Variants in KSR2 observed in about 807,000 individuals in gnomAD.
KSR2 encodes the protein kinase suppressor of ras 2.
KSR2 carries 25 observed loss-of-function variants against 107.8 expected under a neutral mutation model. The ratio of observed to expected loss-of-function variants is 0.23; its 90% CI spans 0.17 to 0.32. The LOEUF (loss-of-function observed/expected upper bound fraction) is 0.32, where lower values mean the gene tolerates loss of function less well. Ranked by LOEUF, KSR2 falls within the 10% of genes least tolerant of loss-of-function variation. The pLI is 1.00. For synonymous variants in KSR2, 480 were observed against 507.0 expected, an observed-to-expected ratio of 0.95 and a Z score of 0.71; for missense variants, 887 against 1,268.9, an observed-to-expected ratio of 0.70 and a Z score of 4.57.
chr12:117,852,319 T>A (rs988025043), intron 3 of KSR2, among the ~76,000 whole-genome samples: 3 of 151,172 alleles, frequency 2.0e-5, no homozygotes, highest in Non-Finnish European at 4.4e-5. Flanking sequence ...TCCCAGTTAC[T>A]CGGGAGGCTA....
chr12:117,965,880 G>C (rs1380717864), intron 1 of KSR2, among the ~76,000 whole-genome samples: 1 of 152,174 alleles, frequency 6.6e-6, no homozygotes, highest in Non-Finnish European at 1.5e-5. Flanking sequence ...CCAAATGTTA[G>C]CGTTGGCTGG....
intron 4 of KSR2, among the ~76,000 whole-genome samples, chr12:117,755,429 A>G (rs1281300022): frequency 3.3e-5 from 5 of 152,120 alleles, no homozygotes; most frequent in Admixed American, 6.6e-5. Context: ...CATTATTATT[A>G]TATCTGTTAT....
rs746964270 is a variant in KSR2 at position 117,484,529 on chromosome 12, G to C, written c.2337C>G (p.Ala779=). 1.6e-4 allele frequency: 256 copies of C among 1,613,800 alleles called. No homozygotes were observed. Among genetic ancestry groups the C allele is most frequent in the Non-Finnish European group, 2.1e-4 (246 of 1,179,842 alleles). ...TGAGGTCCTTGTGTAGGATTCCCTT[G>C]GCGTGGAGGTAGCCCATGCCCTGCA... The part of the protein sequence containing the change: ...EIVKGMGYLH[A]KGILHKDLKS... Residue 779 remains alanine (A), a synonymous_variant, in exon 16 of 20, where the codon GCC becomes GCG. Coordinates refer to ENST00000339824, the MANE Select transcript of KSR2 (RefSeq NM_173598.6).
chr12:117,794,239 T>TGCACA (rs1593244689), intron 3 of KSR2, among the ~76,000 whole-genome samples: 3 of 30,572 alleles, frequency 9.8e-5, no homozygotes, highest in Admixed American at 4.5e-4. Context: ...ACATGCACAC[T>TGCACA]CACACCAACA....
chr12:117,833,712 A>T (rs1892074014), intron 3 of KSR2, among the ~76,000 whole-genome samples: 2 of 151,970 alleles, frequency 1.3e-5, no homozygotes, highest in Admixed American at 1.3e-4. Context: ...CAGTGGCATC[A>T]TGAATATTCA....
intron 5 of KSR2, among the ~76,000 whole-genome samples, chr12:117,599,716 C>T (rs983943141): frequency 6.6e-6 from 1 of 151,770 alleles, no homozygotes; most frequent in Non-Finnish European, 1.5e-5. Context: ...GCAACATTTC[C>T]CCAGACTGAA....
intron 4 of KSR2, among the ~76,000 whole-genome samples, chr12:117,756,464 C>G (rs908843460): frequency 6.6e-6 from 1 of 152,190 alleles, no homozygotes; most frequent in Non-Finnish European, 1.5e-5. Flanking sequence ...CACTTTTGTT[C>G]ACAGCATGGT....
intron 3 of KSR2, among the ~76,000 whole-genome samples, chr12:117,806,997 G>T (rs1252440380): frequency 6.6e-6 from 1 of 152,180 alleles, no homozygotes; most frequent in Non-Finnish European, 1.5e-5. Flanking sequence ...ATTACGGAGG[G>T]ACAAGGATGG....
At chr12:117,523,337 G>A (rs945207936) in intron 14 of KSR2, among the ~76,000 whole-genome samples, 1 of 152,164 alleles carries the variant, frequency 6.6e-6, no homozygotes, top group Non-Finnish European at 1.5e-5. Context: ...GAGCTGAGTA[G>A]AGCAAGGAGA....
intron 14 of KSR2, among the ~76,000 whole-genome samples, chr12:117,497,783 C>G (rs1873128847): frequency 6.6e-6 from 1 of 152,218 alleles, no homozygotes; most frequent in South Asian, 2.1e-4. Context: ...GGTGTACAGT[C>G]TGAATCGAAT....
chr12:117,916,461 GTAA>G (rs1392849136), intron 1 of KSR2, among the ~76,000 whole-genome samples: 1 of 152,090 alleles, frequency 6.6e-6, no homozygotes, highest in African/African-American at 2.4e-5. Context: ...TATTTCAAAG[GTAA>G]TTTTTTAAAT....
chr12:117,840,619 A>T (rs1892429160), intron 3 of KSR2, among the ~76,000 whole-genome samples: 1 of 149,902 alleles, frequency 6.7e-6, no homozygotes, highest in Non-Finnish European at 1.5e-5. Context: ...TGGACTCAAA[A>T]TCCTGACCTC....
intron 5 of KSR2, among the ~76,000 whole-genome samples, chr12:117,594,446 G>A (rs576760762): frequency 2.6e-5 from 4 of 152,260 alleles, no homozygotes; most frequent in South Asian, 2.1e-4. Context: ...GGACAGCCTC[G>A]TGATAAATAA....
chr12:117,568,331 G>C (rs1318180257), intron 7 of KSR2, among the ~76,000 whole-genome samples: 2 of 152,182 alleles, frequency 1.3e-5, no homozygotes, highest in African/African-American at 2.4e-5. Context: ...GTGGCAGGCT[G>C]GGGGAGGGAT....
At chr12:117,809,701 TAA>T (rs1407607197) in intron 3 of KSR2, among the ~76,000 whole-genome samples, 3 of 152,236 alleles carry the variant, frequency 2.0e-5, no homozygotes, top group Admixed American at 1.3e-4. Flanking sequence ...AGCTTGCACG[TAA>T]GTCTCACATG....
intron 4 of KSR2, among the ~76,000 whole-genome samples, chr12:117,758,748 T>C (rs1432257935): frequency 6.6e-6 from 1 of 152,158 alleles, no homozygotes; most frequent in Non-Finnish European, 1.5e-5. Flanking sequence ...AAGGGCAGCC[T>C]CTCTCACTTG....
At chr12:117,582,157 G>T (rs1305949148) in intron 6 of KSR2, 133 bp downstream of exon 6, 3 of 688,500 alleles carry the variant, frequency 4.4e-6, no homozygotes, top group Non-Finnish European at 5.0e-6. Flanking sequence ...CCGAGCAGAG[G>T]AGAAAGGGAC....
intron 4 of KSR2, among the ~76,000 whole-genome samples, chr12:117,733,629 G>A (rs1887819074): frequency 1.3e-5 from 2 of 152,144 alleles, no homozygotes; most frequent in African/African-American, 4.8e-5. Context: ...GACCCTTACA[G>A]GGAAAATTTG....
intron 16 of KSR2, among the ~76,000 whole-genome samples, chr12:117,481,435 C>T (rs1872170918): frequency 6.6e-6 from 1 of 151,840 alleles, no homozygotes; most frequent in Non-Finnish European, 1.5e-5. Context: ...TCAGAGACCT[C>T]TCTCTCTCTC....
Sources: allele counts gnomAD v4.1 joint callset (sites outside exome capture counted in the v4.1 genomes callset), GRCh38; gene constraint gnomAD v4.1.1; transcripts MANE v1.5; gene names NCBI Gene and HGNC (gene_info 2026-07-23, HGNC 2026-07-21).